C6orf89: variants seen among roughly 807,000 people sequenced by gnomAD.
The protein encoded by C6orf89 is chromosome 6 open reading frame 89.
In C6orf89, 29 loss-of-function variants were observed where a neutral mutation model predicts 40.7. That is an observed-to-expected ratio of 0.71 (90% confidence interval 0.53 to 0.97). The LOEUF is 0.97. Among genes scored for constraint, C6orf89 ranks in the 50% least tolerant of loss-of-function variants. The probability of loss-of-function intolerance (pLI) is 0.00; values close to 1 mark genes in which losing one functional copy is unlikely to be tolerated. For missense variants in C6orf89, 392 were observed against 429.1 expected (o/e 0.91, Z 0.76); for synonymous variants, 165 against 152.2 (o/e 1.08, Z -0.62).
rs76219597 is a variant in C6orf89 at position 36,925,513 on chromosome 6, A to C, written c.*2072A>C. ...CCTAAGTCCCATTTTGTACTTCAAC[A>C]AAAAATGACTGTAGCAGAAGATAAG... On this transcript the variant is annotated 3_prime_UTR_variant, in exon 9 of 9. Transcript: ENST00000480824. The C allele has an allele frequency of 5.9e-5, 9 of 152,346 alleles. No individual in the cohort carries two copies. The highest frequency in any genetic ancestry group is 1.3e-4 in the Non-Finnish European group (9 of 68,018). The allele number at this position is 152,346 out of a possible 1,614,324, so 9.4% of individuals were successfully genotyped here.
chr6:36,906,483 C>T (rs1260463784), intron 4 of C6orf89, among the ~76,000 whole-genome samples: 1 of 152,128 alleles, frequency 6.6e-6, no homozygotes, highest in Non-Finnish European at 1.5e-5. Flanking sequence ...TGAAGTCTCA[C>T]ATTTATTTAT....
Position 36,899,430 on chromosome 6 carries a change from T to C in C6orf89, c.-15T>C. 6.2e-7 allele frequency: 1 copy of C among 1,613,990 alleles called. No individual in the cohort carries two copies. The highest frequency in any genetic ancestry group is 8.5e-7 in the Non-Finnish European group (1 of 1,179,902). ...TTTTCTCTCCGTCTCTCTCAGGGAT[T>C]TTATATTGGAAGACATGGATCTTGC... On this transcript the variant is annotated 5_prime_UTR_variant, in exon 3 of 9. Transcript: ENST00000480824.
chr6:36,874,113 G>A (rs1774581464), intron 1 of C6orf89, among the ~76,000 whole-genome samples: 1 of 152,116 alleles, frequency 6.6e-6, no homozygotes, highest in Non-Finnish European at 1.5e-5. Context: ...TGTAAATTCC[G>A]GCGTTTCCTC....
At chr6:36,915,904 A>C (rs946240443) in intron 6 of C6orf89, among the ~76,000 whole-genome samples, 37 of 152,302 alleles carry the variant, frequency 2.4e-4, no homozygotes, top group African/African-American at 8.4e-4. Flanking sequence ...GCCAGTTTCC[A>C]TCTTAGAACT....
chr6:36,872,487 C>T (rs148619512), intron 1 of C6orf89, among the ~76,000 whole-genome samples: 48 of 152,256 alleles, frequency 3.2e-4, no homozygotes, highest in African/African-American at 1.1e-3. Context: ...TTTGCACCTA[C>T]CCAATAGGAT....
rs1192692041 is a variant in C6orf89 at position 36,923,372 on chromosome 6, G to A, written c.975G>A (p.Lys325=). ...DIGYVDTTHW[K]VYVIARGVQP... Reference sequence around the variant, plus strand: ...GCTATGTCGACACCACCCACTGGAAGGTCTACGTTATAGCCAGAGGGGTCC... The same window carrying A: ...GCTATGTCGACACCACCCACTGGAAAGTCTACGTTATAGCCAGAGGGGTCC... The change falls in exon 9 of 9, where the codon AAG becomes AAA. Residue 325 remains lysine (K), a synonymous_variant. Coordinates refer to ENST00000480824, the MANE Select transcript of C6orf89 (RefSeq NM_001286635.2). 6.2e-7 allele frequency: 1 copy of A among 1,614,080 alleles called. No individual in the cohort carries two copies. The highest frequency in any genetic ancestry group is 2.2e-5 in the East Asian group (1 of 44,890).
In C6orf89 at chr6:36,926,596, G is replaced by A. The variant is rs1346979851; in HGVS notation, c.*3155G>A. 4.9e-4 allele frequency: 41 copies of A among 83,888 alleles called. No individual in the cohort carries two copies. Among genetic ancestry groups the A allele is most frequent in the African/African-American group, 3.5e-3 (39 of 11,030 alleles). 5.2% of individuals were successfully genotyped at this position (83,888 alleles called of 1,614,324 possible). On this transcript the variant is annotated 3_prime_UTR_variant, in exon 9 of 9. Transcript: ENST00000480824. ...AAAGAAGAGGGGAGGGGAGGGAAAG[G>A]GAAGGGAGGGGAGGGGAGGAGAGGA...
chr6:36,891,402 A>G (rs1032719558), intron 1 of C6orf89, among the ~76,000 whole-genome samples: 5 of 152,208 alleles, frequency 3.3e-5, no homozygotes, highest in Non-Finnish European at 7.3e-5. Flanking sequence ...ATTGATGGAC[A>G]TTTGGGTTGG....
intron 4 of C6orf89, among the ~76,000 whole-genome samples, chr6:36,908,302 C>G (rs1043593981): frequency 2.0e-5 from 3 of 152,124 alleles, no homozygotes; most frequent in African/African-American, 7.2e-5. Flanking sequence ...TGTCAGATAC[C>G]TCTCTGGGGC....
At chr6:36,872,923 A>T (rs940467954) in intron 1 of C6orf89, among the ~76,000 whole-genome samples, 3 of 152,214 alleles carry the variant, frequency 2.0e-5, no homozygotes, top group Admixed American at 6.5e-5. Flanking sequence ...GTGAGAATTG[A>T]GTCAACTCTG....
At chr6:36,898,387 C>T (rs978326793) in intron 2 of C6orf89, among the ~76,000 whole-genome samples, 1 of 150,272 alleles carries the variant, frequency 6.7e-6, no homozygotes, top group African/African-American at 2.5e-5. Flanking sequence ...TCAAGAGATT[C>T]TCCTGCCTCA....
intron 8 of C6orf89, among the ~76,000 whole-genome samples, chr6:36,922,839 G>A (rs1056033370): frequency 2.0e-5 from 3 of 152,106 alleles, no homozygotes; most frequent in South Asian, 2.1e-4. Context: ...GTGTCCCCTC[G>A]GAATCCATTC....
At chr6:36,917,893 TA>T (rs1433554513) in intron 7 of C6orf89, among the ~76,000 whole-genome samples, 3 of 152,046 alleles carry the variant, frequency 2.0e-5, no homozygotes, top group Non-Finnish European at 4.4e-5. Flanking sequence ...GCCAAAGGAG[TA>T]AATACAGAGT....
chr6:36,874,684 C>T (rs1439490921), intron 1 of C6orf89: 2 of 1,611,720 alleles, frequency 1.2e-6, no homozygotes, highest in South Asian at 2.2e-5. Context: ...TCCGCGTCTC[C>T]TCTGCCAGCC....
chr6:36,900,457 T>C lies in C6orf89; in HGVS notation c.189+824T>C, dbSNP rs184872975. On this transcript the variant is annotated intron_variant, in intron 3 of 8. Coordinates refer to ENST00000480824, the MANE Select transcript of C6orf89 (RefSeq NM_001286635.2). ...CCTCAGGTGATCTGCCCTCCTCGGC[T>C]TCCCAAAGTGCTGGGATTACAGGCC... Among the ~76,000 whole-genome samples the C allele has an allele frequency of 5.1e-4, 77 of 151,826 alleles. No homozygotes were observed. In the East Asian group the frequency reaches 0.014, roughly 28 times the overall value.
intron 3 of C6orf89, among the ~76,000 whole-genome samples, chr6:36,901,323 T>TATTACTA (rs1382621439): frequency 7.1e-4 from 23 of 32,558 alleles, no homozygotes; most frequent in African/African-American, 3.9e-3. Flanking sequence ...TTATTATTAT[T>TATTACTA]TTTTTTTTTT....
intron 1 of C6orf89, among the ~76,000 whole-genome samples, chr6:36,876,832 T>C (rs1431023993): frequency 6.6e-6 from 1 of 151,304 alleles, no homozygotes; most frequent in African/African-American, 2.4e-5. Flanking sequence ...TCCCCTGGAG[T>C]GACAGCCTGG....
chr6:36,913,092 C>T (rs750182803), intron 4 of C6orf89, among the ~76,000 whole-genome samples: 10 of 151,940 alleles, frequency 6.6e-5, no homozygotes, highest in African/African-American at 2.4e-4. Context: ...AGAACCTAGA[C>T]GAAATCCAAA....
chr6:36,914,274 CCT>C lies in C6orf89; in HGVS notation c.404-4_404-3del. The C allele has an allele frequency of 1.9e-6, 3 of 1,610,432 alleles. No homozygotes were observed. Among genetic ancestry groups the C allele is most frequent in the Non-Finnish European group, 1.7e-6 (2 of 1,177,970 alleles). On this transcript the variant is annotated splice_region_variant and splice_polypyrimidine_tract_variant and intron_variant, in intron 4 of 8. Transcript: ENST00000480824. ...AGTATCTGTTTTCTCCATATCCCTT[CCT>C]CTCTCAGACTTTGACCCCTGGTGGA...
Sources: gnomAD v4.1 joint callset for allele counts (sites outside exome capture counted in the v4.1 genomes callset) on GRCh38, gnomAD v4.1.1 for gene constraint, MANE v1.5 for transcripts, NCBI Gene and HGNC (gene_info 2026-07-23, HGNC 2026-07-21) for gene names.